MACROD2: variants seen among roughly 807,000 people sequenced by gnomAD.
MACROD2 encodes the protein ADP-ribose glycohydrolase MACROD2.
Under a neutral mutation model 70.4 loss-of-function variants are expected in MACROD2, and 36 were observed. The ratio of observed to expected loss-of-function variants is 0.51; its 90% CI spans 0.39 to 0.68. The LOEUF (loss-of-function observed/expected upper bound fraction) is 0.68. Among genes scored for constraint, MACROD2 ranks in the 30% least tolerant of loss-of-function variants. The pLI is 0.00. For missense variants in MACROD2, 496 were observed against 538.4 expected, an observed-to-expected ratio of 0.92 and a Z score of 0.78; for synonymous variants, 172 against 178.8, an observed-to-expected ratio of 0.96 and a Z score of 0.30.
intron 3 of MACROD2, among the ~76,000 whole-genome samples, chr20:14,447,547 A>G (rs2084196883): frequency 6.6e-6 from 1 of 151,578 alleles, no homozygotes; most frequent in African/African-American, 2.4e-5. Context: ...CTATAGGAAG[A>G]GGCCTCAGAG....
At chr20:15,218,726 C>T (rs951024864) in intron 5 of MACROD2, among the ~76,000 whole-genome samples, 2 of 152,056 alleles carry the variant, frequency 1.3e-5, no homozygotes, top group African/African-American at 4.8e-5. Context: ...GAGGAAAAAG[C>T]AATTACTCCG....
intron 3 of MACROD2, among the ~76,000 whole-genome samples, chr20:14,125,192 G>A (rs1353079339): frequency 2.0e-5 from 3 of 152,112 alleles, no homozygotes; most frequent in South Asian, 2.1e-4. Flanking sequence ...AGATTTAATG[G>A]ATCTGAGATG....
chr20:15,628,192 T>G lies in MACROD2; in HGVS notation c.645+128345T>G, dbSNP rs184090276. The stretch of plus-strand genomic sequence containing the variant: ...TTGTGTACTTTCAAAACACTAAGCA[T>G]TAATCAAAAAATAGAATTCTTTAAT... On this transcript the variant is annotated intron_variant, in intron 8 of 17. Transcript: ENST00000684519. Among the ~76,000 whole-genome samples the G allele has an allele frequency of 2.9e-3, 439 of 152,322 alleles. 3 individuals carry two copies. Among genetic ancestry groups the G allele is most frequent in the African/African-American group, 9.9e-3 (411 of 41,572 alleles).
At chr20:14,275,847 C>T (rs1239493893) in intron 3 of MACROD2, among the ~76,000 whole-genome samples, 4 of 152,158 alleles carry the variant, frequency 2.6e-5, no homozygotes, top group African/African-American at 9.7e-5. Flanking sequence ...CAAAAGAAGA[C>T]ATTTATGCAG....
intron 12 of MACROD2, among the ~76,000 whole-genome samples, chr20:15,966,444 A>G (rs1340058718): frequency 1.3e-5 from 2 of 152,194 alleles, no homozygotes; most frequent in East Asian, 3.9e-4. Context: ...GCTCCCCAAC[A>G]TCAAGTACAG....
intron 4 of MACROD2, among the ~76,000 whole-genome samples, chr20:14,539,925 T>C (rs2085410878): frequency 6.6e-6 from 1 of 152,184 alleles, no homozygotes; most frequent in Admixed American, 6.5e-5. Flanking sequence ...CGTTCCTGGA[T>C]GCTAAGCAAA....
intron 3 of MACROD2, among the ~76,000 whole-genome samples, chr20:14,286,326 T>A (rs1247892495): frequency 6.6e-6 from 1 of 152,104 alleles, no homozygotes; most frequent in East Asian, 1.9e-4. Flanking sequence ...AAGTACTTTT[T>A]CCTCTTTATA....
chr20:14,561,194 A>T (rs1214512480), intron 4 of MACROD2, among the ~76,000 whole-genome samples: 2 of 151,858 alleles, frequency 1.3e-5, no homozygotes, highest in African/African-American at 2.4e-5. Context: ...TTGTATGTAA[A>T]TTGTATATGA....
intron 3 of MACROD2, among the ~76,000 whole-genome samples, chr20:14,416,952 G>A (rs371509162): frequency 3.0e-4 from 46 of 152,182 alleles, no homozygotes; most frequent in African/African-American, 1.1e-3. Flanking sequence ...TGTTAGTTTG[G>A]CTTCAAAAAC....
chr20:14,842,835 A>G (rs568543082), intron 5 of MACROD2, among the ~76,000 whole-genome samples: 19 of 152,172 alleles, frequency 1.2e-4, no homozygotes, highest in Non-Finnish European at 8.8e-5. Context: ...ACAGAGTCCA[A>G]TATTCAATCA....
At chr20:14,829,321 G>A (rs1454862850) in intron 5 of MACROD2, among the ~76,000 whole-genome samples, 4 of 151,362 alleles carry the variant, frequency 2.6e-5, no homozygotes, top group South Asian at 2.1e-4. Flanking sequence ...TAGCAGAGAC[G>A]GGGTTTCACC....
chr20:15,623,790 C>G (rs2049163768), intron 8 of MACROD2, among the ~76,000 whole-genome samples: 1 of 151,948 alleles, frequency 6.6e-6, no homozygotes, highest in Non-Finnish European at 1.5e-5. Flanking sequence ...TATCATCTAT[C>G]TACTGTCTAT....
intron 7 of MACROD2, among the ~76,000 whole-genome samples, chr20:15,444,342 G>A (rs1358521261): frequency 1.3e-5 from 2 of 152,140 alleles, no homozygotes; most frequent in Non-Finnish European, 2.9e-5. Flanking sequence ...TGTTGTGAAC[G>A]ATGTTTAGAT....
At chr20:15,368,721 C>T (rs773048221) in intron 6 of MACROD2, among the ~76,000 whole-genome samples, 1 of 152,150 alleles carries the variant, frequency 6.6e-6, no homozygotes, top group Non-Finnish European at 1.5e-5. Context: ...CCTTGTCCTC[C>T]CAAAATGCTG....
At chr20:14,432,272 G>T (rs2084003157) in intron 3 of MACROD2, among the ~76,000 whole-genome samples, 1 of 152,066 alleles carries the variant, frequency 6.6e-6, no homozygotes, top group Admixed American at 6.6e-5. Context: ...ATTATCTGCA[G>T]AGCTGAATTC....
chr20:15,645,614 T>A (rs1600708019), intron 8 of MACROD2, among the ~76,000 whole-genome samples: 1 of 152,192 alleles, frequency 6.6e-6, no homozygotes, highest in East Asian at 1.9e-4. Flanking sequence ...AGAAATTGTA[T>A]TTTAAAAGAT....
intron 8 of MACROD2, among the ~76,000 whole-genome samples, chr20:15,527,530 CG>C (rs892468977): frequency 3.3e-5 from 5 of 152,072 alleles, no homozygotes; most frequent in African/African-American, 4.8e-5. Flanking sequence ...GAAGTCACAC[CG>C]CTCCCCAGAT....
At chr20:15,805,808 G>A (rs76354155) in intron 8 of MACROD2, among the ~76,000 whole-genome samples, 3,983 of 152,286 alleles carry the variant, frequency 0.026, 193 homozygotes, top group African/African-American at 0.091. Flanking sequence ...GTACATGATG[G>A]AGAATCAGTG....
chr20:15,053,772 A>G (rs546157752), intron 5 of MACROD2, among the ~76,000 whole-genome samples: 1 of 152,328 alleles, frequency 6.6e-6, no homozygotes, highest in Admixed American at 6.5e-5. Flanking sequence ...CATAGCTGCC[A>G]TAGATAGTGA....
Sources: gnomAD v4.1 joint callset for allele counts (sites outside exome capture counted in the v4.1 genomes callset) on GRCh38, gnomAD v4.1.1 for gene constraint, MANE v1.5 for transcripts, NCBI Gene and HGNC (gene_info 2026-07-23, HGNC 2026-07-21) for gene names.